The following ERC2 variants were observed in gnomAD, a reference collection of about 807,000 sequenced individuals.
ERC2 encodes ELKS/RAB6-interacting/CAST family member 2.
In ERC2, 42 loss-of-function variants were observed where a neutral mutation model predicts 114.8. The observed-to-expected ratio is 0.37, with a 90% CI of 0.29 to 0.47. The LOEUF (loss-of-function observed/expected upper bound fraction) is 0.47, where lower values mean the gene tolerates loss of function less well. Ranked by LOEUF, ERC2 falls within the 20% of genes least tolerant of loss-of-function variation. ERC2 has a pLI of 0.99. For missense variants in ERC2, 939 were observed against 1,150.7 expected, an observed-to-expected ratio of 0.82 and a Z score of 2.66; for synonymous variants, 454 against 425.5, an observed-to-expected ratio of 1.07 and a Z score of -0.82.
intron 12 of ERC2, among the ~76,000 whole-genome samples, chr3:55,975,200 A>G (rs1440422219): frequency 6.6e-6 from 1 of 152,186 alleles, no homozygotes; most frequent in Non-Finnish European, 1.5e-5. Context: ...TAAAAAAAAA[A>G]AACATGAATT....
chr3:55,647,054 C>T (rs772639684), intron 17 of ERC2: 1 of 152,194 alleles, frequency 6.6e-6, no homozygotes, highest in Non-Finnish European at 1.5e-5. Flanking sequence ...TTCAGCTCAC[C>T]ACAGGCCGAC....
intron 13 of ERC2, among the ~76,000 whole-genome samples, chr3:55,931,613 G>A (rs964350443): frequency 1.1e-4 from 17 of 152,162 alleles, no homozygotes. Context: ...GGTGTGGGGG[G>A]CTAGGGGAGG....
intron 2 of ERC2, among the ~76,000 whole-genome samples, chr3:56,379,206 G>A (rs1020887145): frequency 1.3e-5 from 2 of 151,992 alleles, no homozygotes; most frequent in Admixed American, 6.6e-5. Context: ...TACCATATTG[G>A]CTATTAAGTA....
intron 6 of ERC2, among the ~76,000 whole-genome samples, chr3:56,138,154 G>T (rs2080630672): frequency 6.7e-6 from 1 of 149,754 alleles, no homozygotes; most frequent in African/African-American, 2.5e-5. Flanking sequence ...CTGCCTCCTG[G>T]GTTCATGCCA....
chr3:56,404,079 C>CT (rs2060620443), intron 2 of ERC2, among the ~76,000 whole-genome samples: 1 of 152,214 alleles, frequency 6.6e-6, no homozygotes, highest in Admixed American at 6.5e-5. Context: ...GTACCACAGA[C>CT]TTTTGCACCC....
At chr3:55,846,699 C>T (rs796940833) in intron 14 of ERC2, among the ~76,000 whole-genome samples, 1 of 145,324 alleles carries the variant, frequency 6.9e-6, no homozygotes, top group African/African-American at 2.8e-5. Context: ...CTCTTTCTCT[C>T]TCTCTCTCTC....
intron 5 of ERC2, among the ~76,000 whole-genome samples, chr3:56,147,371 A>G (rs1344693692): frequency 2.6e-5 from 4 of 152,176 alleles, no homozygotes; most frequent in African/African-American, 9.7e-5. Context: ...CCACTCCTTG[A>G]TCCACGTTTT....
intron 3 of ERC2, among the ~76,000 whole-genome samples, chr3:56,283,169 A>C (rs1560517464): frequency 6.6e-6 from 1 of 152,250 alleles, no homozygotes; most frequent in Non-Finnish European, 1.5e-5. Flanking sequence ...TCAATGTGCA[A>C]TTGGCAAAGA....
intron 7 of ERC2, among the ~76,000 whole-genome samples, chr3:56,033,273 C>T (rs911402131): frequency 6.6e-6 from 1 of 151,978 alleles, no homozygotes; most frequent in Non-Finnish European, 1.5e-5. Flanking sequence ...TGGTGCATGC[C>T]TGTGGTCCCA....
chr3:55,839,961 A>G (rs2061060030), intron 14 of ERC2, among the ~76,000 whole-genome samples: 1 of 152,076 alleles, frequency 6.6e-6, no homozygotes, highest in Admixed American at 6.6e-5. Flanking sequence ...GTAAATATAA[A>G]GACAGAAATA....
intron 2 of ERC2, among the ~76,000 whole-genome samples, chr3:56,337,120 C>T (rs75615792): frequency 6.6e-6 from 1 of 152,230 alleles, no homozygotes; most frequent in Non-Finnish European, 1.5e-5. Flanking sequence ...AAGTCTGGGC[C>T]CTAGTGATGT....
chr3:55,551,010 C>T (rs1168253220), intron 17 of ERC2, among the ~76,000 whole-genome samples: 7 of 140,270 alleles, frequency 5.0e-5, no homozygotes, highest in African/African-American at 1.3e-4. Context: ...AGCAAGACTC[C>T]GTCTCAAAAA....
At position 56,311,361 on chromosome 3, in the gene ERC2, G is replaced by A. The variant is rs570250741; in HGVS notation, c.658-14926C>T. Among the ~76,000 whole-genome samples the A allele has an allele frequency of 1.6e-4, 23 of 141,790 alleles. No homozygotes were observed. The South Asian group carries it at 4.5e-3, about 28-fold the overall frequency. The allele number at this position is 141,790 out of a possible 152,430, so 93.0% of individuals were successfully genotyped here. On this transcript the variant is annotated intron_variant, in intron 2 of 17. Coordinates refer to ENST00000288221, the MANE Select transcript of ERC2 (RefSeq NM_015576.3). ...GTCACCCAGGCTGGAGTGCAGTGGC[G>A]CAATCTCGGCTCGCTGCAAGCTCTG...
intron 3 of ERC2, among the ~76,000 whole-genome samples, chr3:56,203,213 C>T (rs2048505667): frequency 6.6e-6 from 1 of 152,198 alleles, no homozygotes; most frequent in African/African-American, 2.4e-5. Flanking sequence ...TGGGATCACC[C>T]AGTATCTCCT....
At chr3:56,097,612 A>G (rs556708812) in intron 6 of ERC2, among the ~76,000 whole-genome samples, 1 of 152,288 alleles carries the variant, frequency 6.6e-6, no homozygotes, top group Admixed American at 6.5e-5. Context: ...TATGAGAGAA[A>G]TCATAACTTA....
intron 1 of ERC2, among the ~76,000 whole-genome samples, chr3:56,441,880 T>C (rs1173075204): frequency 6.6e-6 from 1 of 152,086 alleles, no homozygotes; most frequent in African/African-American, 2.4e-5. Context: ...AATTATAAAA[T>C]AAAAATGAAA....
intron 2 of ERC2, among the ~76,000 whole-genome samples, chr3:56,316,212 A>C (rs1234644258): frequency 6.6e-6 from 1 of 152,170 alleles, no homozygotes; most frequent in African/African-American, 2.4e-5. Context: ...AATGAGTGGA[A>C]TTTTTTGCTG....
At chr3:55,792,674 T>C (rs747383508) in intron 14 of ERC2, among the ~76,000 whole-genome samples, 6 of 152,204 alleles carry the variant, frequency 3.9e-5, no homozygotes, top group Non-Finnish European at 7.3e-5. Flanking sequence ...CTCAATGCAA[T>C]CTGGATCCCG....
chr3:55,851,164 A>C (rs1219360518), intron 14 of ERC2, among the ~76,000 whole-genome samples: 1 of 138,340 alleles, frequency 7.2e-6, no homozygotes, highest in East Asian at 2.2e-4. Flanking sequence ...ATCTCTAAGA[A>C]AAAATACTAG....
Sources: gnomAD v4.1 joint callset for allele counts (sites outside exome capture counted in the v4.1 genomes callset) on GRCh38, gnomAD v4.1.1 for gene constraint, MANE v1.5 for transcripts, NCBI Gene and HGNC (gene_info 2026-07-23, HGNC 2026-07-21) for gene names.